SART1: variants seen among roughly 807,000 people sequenced by gnomAD.
SART1 encodes the protein spliceosome associated factor 1, recruiter of U4/U6.U5 tri-snRNP, also known as U4/U6.U5 tri-snRNP-associated protein 1.
Under a neutral mutation model 105.0 loss-of-function variants are expected in SART1, and 28 were observed. That is an observed-to-expected ratio of 0.27 (90% CI 0.20 to 0.37). SART1 has a LOEUF of 0.37. SART1 is among the 10% of genes least tolerant of loss of function. The pLI is 1.00. For synonymous variants in SART1, 472 were observed against 462.9 expected, an observed-to-expected ratio of 1.02 and a Z score of -0.25; for missense variants, 894 against 1,106.5, an observed-to-expected ratio of 0.81 and a Z score of 2.72.
chr11:65,976,381 G>T lies in SART1; in HGVS notation c.1573-14G>T, dbSNP rs902081222. On this transcript the variant is annotated splice_polypyrimidine_tract_variant and intron_variant, in intron 12 of 19. Coordinates refer to ENST00000312397, the MANE Select transcript of SART1 (RefSeq NM_005146.5). The surrounding 1 kb of genome is among the most constrained non-coding windows in gnomAD (Gnocchi z 5.1). ...GAAACTGCTGGGTTTGCCCACAGCCGCTCCCTCCCCCAGGTGGTGGAGATT... is the reference window on the plus strand; with the variant it reads ...GAAACTGCTGGGTTTGCCCACAGCCTCTCCCTCCCCCAGGTGGTGGAGATT... The T allele has an allele frequency of 2.6e-6, 4 of 1,519,686 alleles. No individual in the cohort carries two copies. Among genetic ancestry groups the T allele is most frequent in the African/African-American group, 1.4e-5 (1 of 71,694 alleles). 94.1% of individuals were successfully genotyped at this position (1,519,686 alleles called of 1,614,324 possible).
intron 2 of SART1, 42 bp from the exon 3 acceptor site, chr11:65,964,473 G>T: frequency 6.2e-7 from 1 of 1,609,418 alleles, no homozygotes; most frequent in Non-Finnish European, 8.5e-7. Context: ...ATGGCACCCT[G>T]TGTCTTTAAT....
In SART1 at chr11:65,978,071, CTG is replaced by C. The variant is rs1855520772; in HGVS notation, c.2172+175_2172+176del. ...AGGGGGCCCTCAGGGCTGAGGAAGG[CTG>C]TGCCTCAGTTTGTCTCTAGTGGGCA... On this transcript the variant is annotated intron_variant, in intron 17 of 19. Transcript: ENST00000312397. The surrounding 1 kb of genome is among the most constrained non-coding windows in gnomAD (Gnocchi z 6.8). 8.7e-6 allele frequency: 6 copies of C among 690,710 alleles called. No individual in the cohort carries two copies. Among genetic ancestry groups the C allele is most frequent in the Non-Finnish European group, 1.4e-5 (6 of 417,166 alleles). 42.8% of individuals were successfully genotyped at this position (690,710 alleles called of 1,614,324 possible). A position where few individuals can be genotyped will look rare whatever the true frequency, so the allele number is the denominator to read the frequency against.
In SART1 at chr11:65,978,492, G is replaced by C; in HGVS notation, c.2173-108G>C. ...CCCCTTCCCACTGCACCCCAGGCCTGGCATTGGGGTCAATCAACACCCGCC... is the reference window on the plus strand; with the variant it reads ...CCCCTTCCCACTGCACCCCAGGCCTCGCATTGGGGTCAATCAACACCCGCC... On this transcript the variant is annotated intron_variant, in intron 17 of 19. Coordinates refer to ENST00000312397, the MANE Select transcript of SART1 (RefSeq NM_005146.5). This position sits in a 1 kb window ranked among gnomAD's most constrained non-coding sequence, Gnocchi z 6.8. The C allele has an allele frequency of 9.5e-7, 1 of 1,051,388 alleles. No individual in the cohort carries two copies. The allele number at this position is 1,051,388 out of a possible 1,614,324, so 65.1% of individuals were successfully genotyped here. A position where few individuals can be genotyped will look rare whatever the true frequency, so the allele number is the denominator to read the frequency against.
In SART1 at chr11:65,980,079, C is replaced by T. The variant is rs1032796130; in HGVS notation, c.*1049C>T. On this transcript the variant is annotated 3_prime_UTR_variant, in exon 20 of 20. Transcript: ENST00000312397. ...AGTGGGCCCTGATTGAGCCACCACA[C>T]TGCAGCCTAGGTGACAGTCAGACCC... 2.6e-5 allele frequency among the ~76,000 whole-genome samples: 4 copies of T among 152,086 alleles called. No individual in the cohort carries two copies. Among genetic ancestry groups the T allele is most frequent in the Non-Finnish European group, 5.9e-5 (4 of 68,016 alleles).
In SART1 at chr11:65,965,716, G is replaced by T; in HGVS notation, c.675G>T (p.Glu225Asp). 4 of 1,614,024 alleles carry T rather than the reference G, an allele frequency of 2.5e-6. No individual in the cohort carries two copies. Among genetic ancestry groups the T allele is most frequent in the Non-Finnish European group, 3.4e-6 (4 of 1,179,986 alleles). ...DLAEKRAKLL[E>D]EMDQEFGVST... ...CTGTCCCGTAGGCCAAGTTACTGGAGGAGATGGACCAAGAGTTTGGTGTCA... is the reference window on the plus strand; with the variant it reads ...CTGTCCCGTAGGCCAAGTTACTGGATGAGATGGACCAAGAGTTTGGTGTCA... Residue 225 changes from glutamate to aspartate, a missense_variant, in exon 6 of 20, where the codon GAG (glutamate) becomes GAT (aspartate). Physicochemically the swap from Glu to Asp is conservative, Grantham distance 45. Coordinates refer to ENST00000312397, the MANE Select transcript of SART1 (RefSeq NM_005146.5).
In SART1 at chr11:65,961,774, T is replaced by A. The variant is rs1346186612; in HGVS notation, c.-7T>A. The A allele has an allele frequency of 6.6e-7, 1 of 1,503,880 alleles. No individual in the cohort carries two copies. Among genetic ancestry groups the A allele is most frequent in the Non-Finnish European group, 8.8e-7 (1 of 1,133,970 alleles). The allele number at this position is 1,503,880 out of a possible 1,614,324, so 93.2% of individuals were successfully genotyped here. On this transcript the variant is annotated 5_prime_UTR_variant, in exon 1 of 20. Transcript: ENST00000312397. ...GCGGCAGCCGGGCTCGGAGTGGACG[T>A]GCCACTATGGGGTCGTCCAAGAAGC...
intron 12 of SART1, among the ~76,000 whole-genome samples, chr11:65,972,167 C>T (rs985895935): frequency 6.6e-6 from 1 of 151,948 alleles, no homozygotes. Flanking sequence ...AGTAAAAATC[C>T]CAATAGGGAT....
At chr11:65,963,989 C>A in intron 1 of SART1, 85 bp from the exon 2 acceptor site, 1 of 1,222,072 alleles carries the variant, frequency 8.2e-7, no homozygotes, top group Non-Finnish European at 1.2e-6. Context: ...GAGGGGCCCT[C>A]ATTTTTGTTC....
Position 65,978,715 on chromosome 11 carries a change from G to T in SART1, c.2262+26G>T. On this transcript the variant is annotated intron_variant, in intron 18 of 19. Transcript: ENST00000312397. The surrounding 1 kb of genome is among the most constrained non-coding windows in gnomAD (Gnocchi z 6.8). Reference sequence around the variant, plus strand: ...GTGGGTGCCCTTGGGGATGTGGGGGGCCCTGTGCCTGCCGGGGCAGGGGTG... The same window carrying T: ...GTGGGTGCCCTTGGGGATGTGGGGGTCCCTGTGCCTGCCGGGGCAGGGGTG... The T allele has an allele frequency of 6.2e-7, 1 of 1,613,454 alleles. No homozygotes were observed. Among genetic ancestry groups the T allele is most frequent in the Middle Eastern group, 1.7e-4 (1 of 6,022 alleles).
At position 65,978,004 on chromosome 11, in the gene SART1, AC is replaced by A; in HGVS notation, c.2172+107del. 7.8e-7 allele frequency: 1 copy of A among 1,278,836 alleles called. No individual in the cohort carries two copies. The highest frequency in any genetic ancestry group is 1.1e-6 in the Non-Finnish European group (1 of 928,358). 79.2% of individuals were successfully genotyped at this position (1,278,836 alleles called of 1,614,324 possible). Reference sequence around the variant, plus strand: ...TGCAATGCCCCAGGGTCCTGGCTCCACCAGCCTCTGGCTGGGGGCCTGGTGA... The same window carrying A: ...TGCAATGCCCCAGGGTCCTGGCTCCACAGCCTCTGGCTGGGGGCCTGGTGA... On this transcript the variant is annotated intron_variant, in intron 17 of 19. Coordinates refer to ENST00000312397, the MANE Select transcript of SART1 (RefSeq NM_005146.5). This position sits in a 1 kb window ranked among gnomAD's most constrained non-coding sequence, Gnocchi z 6.8.
chr11:65,971,899 G>C (rs1177690722), intron 12 of SART1, among the ~76,000 whole-genome samples: 1 of 152,022 alleles, frequency 6.6e-6, no homozygotes, highest in Non-Finnish European at 1.5e-5. Context: ...AAAGGCTGGA[G>C]AGAACAGAAA....
rs764352821 is a variant in SART1 at position 65,979,058 on chromosome 11, C to T, written c.*28C>T. ...GCGCCCTCCCGCCCCGGCCCTGCCTCAACCTTCATATTAAATAAAGCTCCC... is the reference window on the plus strand; with the variant it reads ...GCGCCCTCCCGCCCCGGCCCTGCCTTAACCTTCATATTAAATAAAGCTCCC... On this transcript the variant is annotated 3_prime_UTR_variant, in exon 20 of 20. Transcript: ENST00000312397. 1.9e-6 allele frequency: 3 copies of T among 1,613,916 alleles called. No homozygotes were observed. The African/African-American group carries it at 4.0e-5, about 22-fold the overall frequency.
Position 65,977,891 on chromosome 11 carries a change from C to T in SART1, c.2164C>T (p.Pro722Ser). The T allele has an allele frequency of 6.2e-7, 1 of 1,610,816 alleles. No individual in the cohort carries two copies. Among genetic ancestry groups the T allele is most frequent in the East Asian group, 2.2e-5 (1 of 44,646 alleles). ...YVDETGRKLTPKEAFRQLSHR... is the reference protein window; with the variant it reads ...YVDETGRKLTSKEAFRQLSHR... ...GGATGAGACGGGCCGGAAACTCACA[C>T]CCAAGGAGGTGAGCAGGGCCTTTTG... Residue 722 changes from proline (P) to serine (S), a missense_variant, in exon 17 of 20, where the codon CCC (proline) becomes TCC (serine). Around this residue, in one of 2 missense-constraint regions of SART1, gnomAD observed 182 missense variants for 328.3 expected, o/e 0.55. Coordinates refer to ENST00000312397, the MANE Select transcript of SART1 (RefSeq NM_005146.5).
At chr11:65,977,950 AGCCCAGGGCCATGCAAT>A in intron 17 of SART1, 51 bp downstream of exon 17, 1 of 1,582,564 alleles carries the variant, frequency 6.3e-7, no homozygotes, top group Non-Finnish European at 8.6e-7. Context: ...AGGGAGGCCA[AGCCCAGGGCCATGCAAT>A]GCCCCGGGCC....
chr11:65,964,970 T>C, intron 3 of SART1, 122 bp from the exon 4 acceptor site: 1 of 1,260,878 alleles, frequency 7.9e-7, no homozygotes, highest in Non-Finnish European at 1.1e-6. Flanking sequence ...AGGTGAAGGA[T>C]TGTTCCTTCC....
At chr11:65,967,449 C>T in intron 10 of SART1, 22 bp from the exon 11 acceptor site, 1 of 1,613,722 alleles carries the variant, frequency 6.2e-7, no homozygotes, top group Non-Finnish European at 8.5e-7. Context: ...CGGTGCTCAC[C>T]AGAGAGGCCT....
At position 65,964,059 on chromosome 11, in the gene SART1, T is replaced by C. The variant is rs1046827688; in HGVS notation, c.314-15T>C. On this transcript the variant is annotated splice_polypyrimidine_tract_variant and intron_variant, in intron 1 of 19. Transcript: ENST00000312397. ...CCTGTGTTCAGCTCCTGAGCCATGC[T>C]TCTTCTTGTTCCAGCTGCCAGCTCC... 3 of 1,609,806 alleles carry C rather than the reference T, an allele frequency of 1.9e-6. No individual in the cohort carries two copies. Among genetic ancestry groups the C allele is most frequent in the Non-Finnish European group, 2.5e-6 (3 of 1,179,866 alleles).
At position 65,976,362 on chromosome 11, in the gene SART1, G is replaced by T; in HGVS notation, c.1573-33G>T. ...TCTCAATGGCATCACCCCAGAAACT[G>T]CTGGGTTTGCCCACAGCCGCTCCCT... On this transcript the variant is annotated intron_variant, in intron 12 of 19. Transcript: ENST00000312397. This position sits in a 1 kb window ranked among gnomAD's most constrained non-coding sequence, Gnocchi z 5.1. The T allele has an allele frequency of 6.7e-7, 1 of 1,491,902 alleles. No individual in the cohort carries two copies. The highest frequency in any genetic ancestry group is 8.9e-7 in the Non-Finnish European group (1 of 1,122,960). The allele number at this position is 1,491,902 out of a possible 1,614,324, so 92.4% of individuals were successfully genotyped here.
At chr11:65,974,258 C>G (rs999946847) in intron 12 of SART1, among the ~76,000 whole-genome samples, 1 of 147,918 alleles carries the variant, frequency 6.8e-6, no homozygotes, top group East Asian at 2.0e-4. Context: ...CCTGTAATCC[C>G]AGCTACTCAG....
Sources: gnomAD v4.1 joint callset for allele counts (sites outside exome capture counted in the v4.1 genomes callset) on GRCh38, gnomAD v4.1.1 for gene constraint, gnomAD v4.1.1 regional missense constraint, Gnocchi (gnomAD v3.1) non-coding constraint, MANE v1.5 for transcripts, NCBI Gene and HGNC (gene_info 2026-07-23, HGNC 2026-07-21) for gene names.